SEPTIN6: variants seen among roughly 807,000 people sequenced by gnomAD.
SEPTIN6 encodes septin-6.
A neutral mutation model predicts 33.6 loss-of-function variants in SEPTIN6; 8 were observed. The ratio of observed to expected loss-of-function variants is 0.24; its 90% CI spans 0.14 to 0.43. The LOEUF (loss-of-function observed/expected upper bound fraction) is 0.43, where lower values mean the gene tolerates loss of function less well. Among genes scored for constraint, SEPTIN6 ranks in the 20% least tolerant of loss-of-function variants. The pLI is 1.00. For synonymous variants in SEPTIN6, 131 were observed against 140.0 expected (o/e 0.94, Z 0.45); for missense variants, 250 against 340.8 (o/e 0.73, Z 2.10).
At position 119,629,443 on chromosome X, in the gene SEPTIN6, C is replaced by T. The variant is rs3088376; in HGVS notation, c.1155G>A (p.Lys385=). The part of the protein sequence containing the change: ...HQDEKKKLED[K]KKSLDDEVNA... ...TCACTTCATCATCCAGGGATTTCTT[C>T]TTATCCTCCAGTTTCTTCTTCTCGT... Residue 385 remains lysine, a synonymous_variant, in exon 9 of 11, where the codon AAG becomes AAA. Coordinates refer to ENST00000394610, the MANE Select transcript of SEPTIN6 (RefSeq NM_145799.4). 0.058 allele frequency: 69,842 copies of T among 1,209,580 alleles called. 1,894 individuals carry two copies. The highest frequency in any genetic ancestry group is 0.19 in the African/African-American group (11,097 of 57,047).
Position 119,619,558 on chromosome X carries a change from A to T in SEPTIN6, c.*535T>A. 1 of 819,998 alleles carries T rather than the reference A, an allele frequency of 1.2e-6. No homozygotes were observed. Among genetic ancestry groups the T allele is most frequent in the Non-Finnish European group, 1.5e-6 (1 of 680,238 alleles). 67.6% of individuals were successfully genotyped at this position (819,998 alleles called of 1,213,427 possible). A position where few individuals can be genotyped will look rare whatever the true frequency, so the allele number is the denominator to read the frequency against. On this transcript the variant is annotated 3_prime_UTR_variant, in exon 11 of 11. Coordinates refer to ENST00000394610, the MANE Select transcript of SEPTIN6 (RefSeq NM_145799.4). ...AAGGCGCCAAAGGCTGTCCTTTTGA[A>T]ACCCTCTAAGAAATGGCTGTGGCTC...
intron 1 of SEPTIN6, among the ~76,000 whole-genome samples, chrX:119,692,392 G>T (rs1290208204): frequency 9.1e-6 from 1 of 109,916 alleles, no homozygotes; most frequent in Admixed American, 9.7e-5. Context: ...GAGGCGTTCG[G>T]ACACACACCA....
intron 1 of SEPTIN6, 71 bp from the exon 2 acceptor site, chrX:119,675,739 A>T (rs1489414683): frequency 3.3e-6 from 2 of 606,038 alleles, no homozygotes; most frequent in Non-Finnish European, 4.7e-6. Context: ...TTCTCCATCC[A>T]AATGTTCGCT....
intron 5 of SEPTIN6, among the ~76,000 whole-genome samples, chrX:119,644,776 G>A (rs2054216517): frequency 9.1e-6 from 1 of 109,383 alleles, no homozygotes; most frequent in Non-Finnish European, 1.9e-5. Flanking sequence ...AACCTGGGAG[G>A]CGGAGGTTGT....
rs988943713 is a variant in SEPTIN6, at chrX:119,645,501, G to A, written c.690+4436C>T. Among the ~76,000 whole-genome samples the A allele has an allele frequency of 2.7e-5, 3 of 110,348 alleles. No homozygotes were observed. The East Asian group carries it at 8.6e-4, about 31-fold the overall frequency. Reference sequence around the variant, plus strand: ...CAACCTCCGTCTCCTGGGTTCAAGCGATCCTCCTGCCTCAGCCTCCTGAGT... The same window carrying A: ...CAACCTCCGTCTCCTGGGTTCAAGCAATCCTCCTGCCTCAGCCTCCTGAGT... On this transcript the variant is annotated intron_variant, in intron 5 of 10. Coordinates refer to ENST00000394610, the MANE Select transcript of SEPTIN6 (RefSeq NM_145799.4).
rs905532153 is a variant in SEPTIN6 at position 119,684,504 on chromosome X, T to C, written c.30+8572A>G. ...GAGGTTTTTTTTTTTTTTTTTTTTT[T>C]CTGAGATGGAGTCTCACTCTGTCTC... is the stretch of plus-strand genomic sequence containing the variant. On this transcript the variant is annotated intron_variant, in intron 1 of 10. Transcript: ENST00000394610. Among the ~76,000 whole-genome samples the C allele has an allele frequency of 4.1e-5, 4 of 98,042 alleles. No homozygotes were observed. In the East Asian group the frequency reaches 9.3e-4, roughly 23 times the overall value. The allele number at this position is 98,042 out of a possible 115,157, so 85.1% of individuals were successfully genotyped here.
intron 6 of SEPTIN6, among the ~76,000 whole-genome samples, chrX:119,637,637 T>TCATC (rs2054088229): frequency 1.4e-5 from 1 of 71,682 alleles, no homozygotes; most frequent in Non-Finnish European, 2.8e-5. Context: ...ATCCATCCAC[T>TCATC]CATCCATCCA....
rs763107057 is a variant in SEPTIN6 at position 119,652,173 on chromosome X, C to A, written c.528+681G>T. 2.4e-3 allele frequency among the ~76,000 whole-genome samples: 265 copies of A among 112,244 alleles called. 4 individuals carry two copies. The highest frequency in any genetic ancestry group is 8.3e-3 in the African/African-American group (258 of 30,916). On this transcript the variant is annotated intron_variant, in intron 4 of 10. Coordinates refer to ENST00000394610, the MANE Select transcript of SEPTIN6 (RefSeq NM_145799.4). ...TCCTGACCTCAGATGACCCGCCTAT[C>A]TTGGCCTCCCAAAGTGCTGGGATTA...
intron 6 of SEPTIN6, among the ~76,000 whole-genome samples, chrX:119,638,256 A>C (rs1410458891): frequency 9.0e-6 from 1 of 111,024 alleles, no homozygotes; most frequent in Non-Finnish European, 1.9e-5. Flanking sequence ...GAGCAAGGGG[A>C]CCCCACTTTC....
chrX:119,682,514 G>A (rs756204427), intron 1 of SEPTIN6, among the ~76,000 whole-genome samples: 14 of 110,936 alleles, frequency 1.3e-4, no homozygotes, highest in African/African-American at 3.6e-4. Context: ...TTTTAAATAC[G>A]TTATACCACA....
In SEPTIN6 at chrX:119,655,538, C is replaced by T. The variant is rs141508160; in HGVS notation, c.342-2498G>A. Among the ~76,000 whole-genome samples, 31 of 111,489 alleles carry T rather than the reference C, an allele frequency of 2.8e-4. 3 individuals are homozygous for T. The South Asian group carries it at 0.011, about 38-fold the overall frequency. On this transcript the variant is annotated intron_variant, in intron 3 of 10. Coordinates refer to ENST00000394610, the MANE Select transcript of SEPTIN6 (RefSeq NM_145799.4). ...TATCCTTCAGAGATGCTGCTTTTCT[C>T]ATATCCTTCTCAACTGGAAATTTCT...
chrX:119,631,611 GT>G (rs1182623912), intron 8 of SEPTIN6, among the ~76,000 whole-genome samples: 1 of 108,031 alleles, frequency 9.3e-6, no homozygotes, highest in Non-Finnish European at 1.9e-5. Flanking sequence ...TGACATTTTT[GT>G]TTTTTTTATT....
At chrX:119,633,224 A>C (rs747719834) in intron 8 of SEPTIN6, 136 bp downstream of exon 8, 4 of 568,689 alleles carry the variant, frequency 7.0e-6, no homozygotes, top group Non-Finnish European at 8.2e-6. Flanking sequence ...TCTTTGAGGA[A>C]TCACCACACT....
intron 10 of SEPTIN6, among the ~76,000 whole-genome samples, chrX:119,621,963 G>A (rs1461332965): frequency 9.1e-6 from 1 of 110,222 alleles, no homozygotes; most frequent in African/African-American, 3.3e-5. Flanking sequence ...TTGCAAACTG[G>A]GGATTATTCC....
At chrX:119,634,319 A>G (rs2054017923) in intron 7 of SEPTIN6, among the ~76,000 whole-genome samples, 1 of 105,347 alleles carries the variant, frequency 9.5e-6, no homozygotes, top group African/African-American at 3.5e-5. Flanking sequence ...AAGTGAGCCG[A>G]GATTGCGCCA....
chrX:119,652,746 G>A, intron 4 of SEPTIN6, 108 bp downstream of exon 4: 1 of 599,110 alleles, frequency 1.7e-6, no homozygotes, highest in Non-Finnish European at 2.6e-6. Context: ...GACAGGGAAT[G>A]AGGGAGAGGA....
chrX:119,663,798 A>G, intron 2 of SEPTIN6, 121 bp from the exon 3 acceptor site: 1 of 559,999 alleles, frequency 1.8e-6, no homozygotes. Context: ...CATAAAGCAA[A>G]AAGCAGAAGC....
chrX:119,618,281 G>A lies in SEPTIN6; in HGVS notation c.*1812C>T. On this transcript the variant is annotated 3_prime_UTR_variant, in exon 11 of 11. Coordinates refer to ENST00000394610, the MANE Select transcript of SEPTIN6 (RefSeq NM_145799.4). ...CAAGAAACTGGCTTGTGCTTTGGCA[G>A]CATCACCTTCATACTTGCTCTGGTC... 1 of 808,934 alleles carries A rather than the reference G, an allele frequency of 1.2e-6. No homozygotes were observed. The highest frequency in any genetic ancestry group is 1.5e-6 in the Non-Finnish European group (1 of 673,716). The allele number at this position is 808,934 out of a possible 1,213,427, so 66.7% of individuals were successfully genotyped here.
At chrX:119,647,418 TTTTA>T (rs1273025517) in intron 5 of SEPTIN6, among the ~76,000 whole-genome samples, 2 of 102,934 alleles carry the variant, frequency 1.9e-5, no homozygotes. Flanking sequence ...CTTCCTTCCT[TTTTA>T]TTTCTTTCTC....
Sources: allele counts gnomAD v4.1 joint callset (sites outside exome capture counted in the v4.1 genomes callset), GRCh38; gene constraint gnomAD v4.1.1; transcripts MANE v1.5; gene names NCBI Gene and HGNC (gene_info 2026-07-23, HGNC 2026-07-21).